The following MRRF variants were observed in gnomAD, a reference collection of about 807,000 sequenced individuals.
The protein encoded by MRRF is mitochondrial ribosome recycling factor.
Under a neutral mutation model 25.1 loss-of-function variants are expected in MRRF, and 18 were observed. That is an observed-to-expected ratio of 0.72 (90% CI 0.50 to 1.06). The LOEUF is 1.06. Ranked by LOEUF, MRRF falls within the 50% of genes least tolerant of loss-of-function variation. MRRF has a pLI of 0.00. For synonymous variants in MRRF, 113 were observed against 112.1 expected (o/e 1.01, Z -0.05); for missense variants, 323 against 319.3 (o/e 1.01, Z -0.09).
rs1836116517 is a variant in MRRF, at chr9:122,325,681, TGTG to T, written c.*3065_*3067del. Reference sequence around the variant, plus strand: ...GTGTGTGTGTGTGTGTGTGTGTGTGTGTGTTGGAAATTACAAAATAAGTTGGAA... The same window carrying T: ...GTGTGTGTGTGTGTGTGTGTGTGTGTTTGGAAATTACAAAATAAGTTGGAA... On this transcript the variant is annotated 3_prime_UTR_variant, in exon 7 of 7. Coordinates refer to ENST00000344641, the MANE Select transcript of MRRF (RefSeq NM_138777.5). 1.5e-5 allele frequency: 2 copies of T among 129,042 alleles called. No homozygotes were observed. The highest frequency in any genetic ancestry group is 1.6e-4 in the Admixed American group (2 of 12,790). 8.0% of individuals were successfully genotyped at this position (129,042 alleles called of 1,614,324 possible).
At chr9:122,296,402 A>G (rs1422996041) in intron 5 of MRRF, among the ~76,000 whole-genome samples, 2 of 152,232 alleles carry the variant, frequency 1.3e-5, no homozygotes, top group Non-Finnish European at 2.9e-5. Flanking sequence ...AACTAGAGGT[A>G]TAATGCCTGG....
chr9:122,276,012 A>G (rs534590834), intron 2 of MRRF, among the ~76,000 whole-genome samples: 3 of 152,004 alleles, frequency 2.0e-5, no homozygotes, highest in East Asian at 1.9e-4. Context: ...GGTTCAAGCA[A>G]TTCTCCTGCC....
Position 122,291,800 on chromosome 9 carries a change from C to T in MRRF, c.511C>T (p.Pro171Ser). Residue 171 changes from proline (P) to serine (S), a missense_variant, in exon 5 of 7, where the codon CCA (proline) becomes TCA (serine). Transcript: ENST00000344641. ...AAGAGAAAGTGGAATGAATCTGAAC[C>T]CAGAAGTGGAAGGGACGCTAATTCG... Reference protein sequence around the residue: ...AIRESGMNLNPEVEGTLIRVP... With the variant: ...AIRESGMNLNSEVEGTLIRVP... 1 of 1,613,948 alleles carries T rather than the reference C, an allele frequency of 6.2e-7. No individual in the cohort carries two copies. The highest frequency in any genetic ancestry group is 8.5e-7 in the Non-Finnish European group (1 of 1,179,820).
At chr9:122,303,433 G>A (rs1367134301) in intron 5 of MRRF, among the ~76,000 whole-genome samples, 1 of 149,786 alleles carries the variant, frequency 6.7e-6, no homozygotes, top group Non-Finnish European at 1.5e-5. Flanking sequence ...ACTCAGGCTC[G>A]AGTACAGTGG....
chr9:122,320,759 C>G (rs1464393276), intron 6 of MRRF, among the ~76,000 whole-genome samples: 4 of 152,216 alleles, frequency 2.6e-5, no homozygotes, highest in Non-Finnish European at 4.4e-5. Context: ...AGTTTCTACC[C>G]TTTTTAGTGC....
rs1833979138 is a variant in MRRF, at chr9:122,294,712, ACT to A, written c.551+2875_551+2876del. Among the ~76,000 whole-genome samples, 10 of 152,140 alleles carry A rather than the reference ACT, an allele frequency of 6.6e-5. 1 individual carries two copies. Among genetic ancestry groups the A allele is most frequent in the Admixed American group, 5.9e-4 (9 of 15,268 alleles). Reference sequence around the variant, plus strand: ...TGGTTTTAGCAGTGACTTCCATATGACTCTGGGCACAGCGCCCTAGTTGCTTG... The same window carrying A: ...TGGTTTTAGCAGTGACTTCCATATGACTGGGCACAGCGCCCTAGTTGCTTG... On this transcript the variant is annotated intron_variant, in intron 5 of 6. Coordinates refer to ENST00000344641, the MANE Select transcript of MRRF (RefSeq NM_138777.5).
intron 6 of MRRF, among the ~76,000 whole-genome samples, chr9:122,316,133 T>G (rs566153034): frequency 8.5e-5 from 13 of 152,346 alleles, no homozygotes; most frequent in Non-Finnish European, 1.8e-4. Flanking sequence ...TCATACAATT[T>G]ATATGATACG....
intron 4 of MRRF, chr9:122,285,891 A>G (rs1346855921): frequency 1.2e-5 from 16 of 1,292,696 alleles, no homozygotes; most frequent in Non-Finnish European, 1.4e-5. Flanking sequence ...GTCCTTTTAT[A>G]CTAGACTGAC....
At chr9:122,298,638 T>A (rs1834238905) in intron 5 of MRRF, among the ~76,000 whole-genome samples, 1 of 152,330 alleles carries the variant, frequency 6.6e-6, no homozygotes, top group South Asian at 2.1e-4. Context: ...TTCTAGGACA[T>A]TCGTAAATTT....
At chr9:122,310,449 C>G (rs571268800) in intron 5 of MRRF, among the ~76,000 whole-genome samples, 13 of 152,228 alleles carry the variant, frequency 8.5e-5, no homozygotes, top group African/African-American at 4.8e-5. Flanking sequence ...TCCACTACAT[C>G]TCCCACTGTG....
chr9:122,267,845 G>T (rs1832209995), intron 1 of MRRF, among the ~76,000 whole-genome samples: 1 of 152,168 alleles, frequency 6.6e-6, no homozygotes, highest in African/African-American at 2.4e-5. Flanking sequence ...TGTCATTATT[G>T]TTATCTTTTA....
intron 5 of MRRF, among the ~76,000 whole-genome samples, chr9:122,293,879 G>T (rs769240735): frequency 1.3e-5 from 2 of 152,148 alleles, no homozygotes; most frequent in Non-Finnish European, 2.9e-5. Context: ...GTGAAGTTCA[G>T]AGAAATTAAG....
intron 6 of MRRF, among the ~76,000 whole-genome samples, chr9:122,322,260 G>A (rs1449226169): frequency 1.3e-5 from 2 of 152,084 alleles, no homozygotes; most frequent in South Asian, 4.1e-4. Flanking sequence ...CTACTCGGGA[G>A]GCTGAGGCAG....
intron 4 of MRRF, among the ~76,000 whole-genome samples, chr9:122,289,246 A>G (rs1833600794): frequency 6.6e-6 from 1 of 152,242 alleles, no homozygotes; most frequent in Admixed American, 6.5e-5. Flanking sequence ...CATGAGGTAA[A>G]GGAAGTGAGT....
chr9:122,307,487 C>G (rs1834926771), intron 5 of MRRF, among the ~76,000 whole-genome samples: 1 of 152,190 alleles, frequency 6.6e-6, no homozygotes, highest in Non-Finnish European at 1.5e-5. Context: ...TGACCATTTT[C>G]TCTCTCACCA....
At chr9:122,273,783 G>A (rs913133457) in intron 2 of MRRF, among the ~76,000 whole-genome samples, 3 of 152,122 alleles carry the variant, frequency 2.0e-5, no homozygotes, top group Non-Finnish European at 4.4e-5. Flanking sequence ...CCTTTGTGAC[G>A]TCAGTATGGA....
At chr9:122,297,024 T>C (rs967130890) in intron 5 of MRRF, among the ~76,000 whole-genome samples, 9 of 152,152 alleles carry the variant, frequency 5.9e-5, no homozygotes, top group African/African-American at 2.2e-4. Flanking sequence ...ACATAAAATA[T>C]TTAAATGAGG....
intron 5 of MRRF, among the ~76,000 whole-genome samples, chr9:122,308,250 T>A (rs1221219287): frequency 6.6e-6 from 1 of 152,196 alleles, no homozygotes; most frequent in East Asian, 1.9e-4. Flanking sequence ...TCTACCTGCC[T>A]AAAGGCTCCT....
At chr9:122,296,925 G>A (rs193057715) in intron 5 of MRRF, among the ~76,000 whole-genome samples, 1 of 152,292 alleles carries the variant, frequency 6.6e-6, no homozygotes, top group East Asian at 1.9e-4. Flanking sequence ...ACAGATGATT[G>A]ACTCATTCCT....
Sources: gnomAD v4.1 joint callset for allele counts (sites outside exome capture counted in the v4.1 genomes callset) on GRCh38, gnomAD v4.1.1 for gene constraint, MANE v1.5 for transcripts, NCBI Gene and HGNC (gene_info 2026-07-23, HGNC 2026-07-21) for gene names.